The following PACRG variants were observed in gnomAD, a reference collection of about 807,000 sequenced individuals.
The protein encoded by PACRG is parkin coregulated gene protein.
Under a neutral mutation model 29.7 loss-of-function variants are expected in PACRG, and 29 were observed. The ratio of observed to expected loss-of-function variants is 0.98; its 90% CI spans 0.73 to 1.33. The LOEUF is 1.33. PACRG is among the 40% of genes most tolerant of loss of function. The pLI is 0.00. For synonymous variants in PACRG, 116 were observed against 118.7 expected (o/e 0.98, Z 0.15); for missense variants, 279 against 316.2 (o/e 0.88, Z 0.89).
intron 1 of PACRG, among the ~76,000 whole-genome samples, chr6:162,798,902 CAT>C (rs1222065295): frequency 1.1e-4 from 16 of 152,276 alleles, no homozygotes; most frequent in African/African-American, 3.4e-4. Context: ...TAGTATCTAA[CAT>C]ATTTCAAATT....
At chr6:162,763,559 A>T (rs1222188600) in intron 1 of PACRG, among the ~76,000 whole-genome samples, 2 of 152,242 alleles carry the variant, frequency 1.3e-5, no homozygotes, top group African/African-American at 4.8e-5. Flanking sequence ...GAGTTTAACG[A>T]TATTCACAGG....
chr6:163,022,702 C>T (rs1197752074), intron 2 of PACRG, among the ~76,000 whole-genome samples: 1 of 152,200 alleles, frequency 6.6e-6, no homozygotes, highest in African/African-American at 2.4e-5. Context: ...GGATTATTTG[C>T]CATTTTCCTC....
chr6:163,181,726 G>T (rs925242775), intron 4 of PACRG, among the ~76,000 whole-genome samples: 5 of 151,672 alleles, frequency 3.3e-5, no homozygotes, highest in South Asian at 2.1e-4. Flanking sequence ...GTAGTTTGGG[G>T]TTTTTTCTCA....
At chr6:163,099,116 A>G (rs528772589) in intron 4 of PACRG, among the ~76,000 whole-genome samples, 3 of 152,094 alleles carry the variant, frequency 2.0e-5, no homozygotes, top group Non-Finnish European at 4.4e-5. Context: ...CCCAGCTTCT[A>G]TTTAAGATGG....
chr6:162,994,646 AT>A (rs956554522), intron 2 of PACRG, among the ~76,000 whole-genome samples: 2 of 143,212 alleles, frequency 1.4e-5, no homozygotes, highest in African/African-American at 5.6e-5. Flanking sequence ...ATTCTTCTAA[AT>A]TTTTTTCAAA....
intron 2 of PACRG, among the ~76,000 whole-genome samples, chr6:162,978,645 T>G (rs1263213556): frequency 6.6e-6 from 1 of 152,218 alleles, no homozygotes; most frequent in Non-Finnish European, 1.5e-5. Flanking sequence ...TTATTCAGCA[T>G]TTTATTCTTG....
chr6:163,249,003 G>A (rs1252791916), intron 4 of PACRG, among the ~76,000 whole-genome samples: 4 of 131,360 alleles, frequency 3.0e-5, no homozygotes, highest in East Asian at 2.1e-4. Flanking sequence ...GCAAGAGAGC[G>A]AGACTCTGTC....
chr6:163,135,184 CA>C (rs1816880665), intron 4 of PACRG, among the ~76,000 whole-genome samples: 1 of 133,844 alleles, frequency 7.5e-6, no homozygotes, highest in Non-Finnish European at 1.5e-5. Context: ...CTAGTTAAGT[CA>C]TTTTTTTTTT....
chr6:163,225,375 G>T (rs555781304), intron 4 of PACRG, among the ~76,000 whole-genome samples: 2 of 152,238 alleles, frequency 1.3e-5, no homozygotes, highest in South Asian at 4.2e-4. Context: ...TTTATAAGGG[G>T]CTCTTCCTCC....
At chr6:162,963,917 A>C (rs1388135179) in intron 2 of PACRG, among the ~76,000 whole-genome samples, 1 of 152,122 alleles carries the variant, frequency 6.6e-6, no homozygotes, top group Non-Finnish European at 1.5e-5. Context: ...GCACTATTTT[A>C]ACCTAGATTG....
At chr6:163,197,440 T>C (rs1168999220) in intron 4 of PACRG, among the ~76,000 whole-genome samples, 344 of 132,196 alleles carry the variant, frequency 2.6e-3, no homozygotes, top group African/African-American at 8.4e-3. Context: ...TTTTCTTTTT[T>C]TTTTTTTTTT....
intron 4 of PACRG, among the ~76,000 whole-genome samples, chr6:163,096,243 T>C (rs1814572574): frequency 1.3e-5 from 2 of 152,060 alleles, no homozygotes; most frequent in African/African-American, 4.8e-5. Flanking sequence ...GGGGATCCCA[T>C]AGCAGCACCC....
intron 2 of PACRG, among the ~76,000 whole-genome samples, chr6:162,932,055 C>A (rs551489317): frequency 1.3e-5 from 2 of 152,064 alleles, no homozygotes; most frequent in East Asian, 3.9e-4. Context: ...TGTACGCATA[C>A]TACAGACTAC....
At chr6:163,248,886 AG>A (rs1288075581) in intron 4 of PACRG, among the ~76,000 whole-genome samples, 2 of 152,002 alleles carry the variant, frequency 1.3e-5, no homozygotes, top group Non-Finnish European at 2.9e-5. Flanking sequence ...GCATGGTGGC[AG>A]GCGTCTGTTG....
At chr6:162,924,746 C>A (rs1011831215) in intron 2 of PACRG, among the ~76,000 whole-genome samples, 2 of 151,662 alleles carry the variant, frequency 1.3e-5, no homozygotes, top group Non-Finnish European at 2.9e-5. Context: ...AACATCACAA[C>A]TAAAAGAACT....
At chr6:163,011,491 C>T (rs926845802) in intron 2 of PACRG, among the ~76,000 whole-genome samples, 4 of 152,194 alleles carry the variant, frequency 2.6e-5, no homozygotes, top group Non-Finnish European at 4.4e-5. Context: ...ATAAGGCTTA[C>T]AGGACTGGAA....
chr6:163,155,874 C>A (rs1242813116), intron 4 of PACRG, among the ~76,000 whole-genome samples: 1 of 152,232 alleles, frequency 6.6e-6, no homozygotes, highest in African/African-American at 2.4e-5. Flanking sequence ...GCCTCTAGAT[C>A]TCTGCACACA....
chr6:162,793,574 A>ATCTTCTT (rs1326984171), intron 1 of PACRG, among the ~76,000 whole-genome samples: 7 of 152,206 alleles, frequency 4.6e-5, no homozygotes, highest in Non-Finnish European at 8.8e-5. Flanking sequence ...TCTGGACAAG[A>ATCTTCTT]AGAAGGAAGA....
intron 1 of PACRG, among the ~76,000 whole-genome samples, chr6:162,728,642 C>T (rs1314742048): frequency 1.3e-5 from 2 of 152,020 alleles, no homozygotes; most frequent in East Asian, 1.9e-4. Context: ...GTTTCTGGAC[C>T]GCCCAAAATT....
Sources: gnomAD v4.1 joint callset for allele counts (sites outside exome capture counted in the v4.1 genomes callset) on GRCh38, gnomAD v4.1.1 for gene constraint, MANE v1.5 for transcripts, NCBI Gene and HGNC (gene_info 2026-07-23, HGNC 2026-07-21) for gene names.